Variants in CHRM3 observed in about 807,000 individuals in gnomAD.
The protein encoded by CHRM3 is cholinergic receptor muscarinic 3, also known as muscarinic acetylcholine receptor M3.
Under a neutral mutation model 41.8 loss-of-function variants are expected in CHRM3, and 11 were observed. The ratio of observed to expected loss-of-function variants is 0.26; its 90% CI spans 0.17 to 0.44. The LOEUF (loss-of-function observed/expected upper bound fraction) is 0.44. Ranked by LOEUF, CHRM3 falls within the 20% of genes least tolerant of loss-of-function variation. The pLI, the probability that CHRM3 is intolerant of heterozygous loss-of-function variation, is 1.00. For synonymous variants in CHRM3, 297 were observed against 301.4 expected (o/e 0.99, Z 0.15); for missense variants, 571 against 745.4 (o/e 0.77, Z 2.72).
intron 2 of CHRM3, among the ~76,000 whole-genome samples, chr1:239,527,793 C>T (rs1157820538): frequency 6.6e-6 from 1 of 152,132 alleles, no homozygotes; most frequent in Admixed American, 6.6e-5. Flanking sequence ...GAACTTATCT[C>T]AGAGGCTTAT....
At chr1:239,494,062 AT>A (rs920216737) in intron 2 of CHRM3, among the ~76,000 whole-genome samples, 1 of 152,180 alleles carries the variant, frequency 6.6e-6, no homozygotes, top group African/African-American at 2.4e-5. Flanking sequence ...ACTTACTTAT[AT>A]TCATTTTTAA....
At chr1:239,570,773 A>C (rs1402685736) in intron 3 of CHRM3, among the ~76,000 whole-genome samples, 1 of 152,168 alleles carries the variant, frequency 6.6e-6, no homozygotes, top group Non-Finnish European at 1.5e-5. Flanking sequence ...TCCCAAAAGA[A>C]GTAAGTGACT....
intron 5 of CHRM3, among the ~76,000 whole-genome samples, chr1:239,680,086 C>G (rs1011779548): frequency 6.6e-6 from 1 of 152,050 alleles, no homozygotes; most frequent in African/African-American, 2.4e-5. Flanking sequence ...AAACATCTCC[C>G]AAGTCCAAGT....
At chr1:239,705,817 G>A (rs1661106492) in intron 5 of CHRM3, 1 of 152,042 alleles carries the variant, frequency 6.6e-6, no homozygotes, top group African/African-American at 2.4e-5. Context: ...ATAAAGAATA[G>A]AGACATTATT....
intron 1 of CHRM3, among the ~76,000 whole-genome samples, chr1:239,462,089 A>G (rs1318975604): frequency 2.0e-5 from 3 of 152,134 alleles, no homozygotes; most frequent in Non-Finnish European, 4.4e-5. Flanking sequence ...TCCTGCATTC[A>G]TTTAAATGTT....
At chr1:239,827,412 A>G (rs1672543957) in intron 6 of CHRM3, 34 bp downstream of exon 6, 1 of 152,224 alleles carries the variant, frequency 6.6e-6, no homozygotes, top group Admixed American at 6.5e-5. Context: ...TTAATTAAAA[A>G]ATGGATGACT....
chr1:239,388,246 G>T (rs1558183211), intron 1 of CHRM3, among the ~76,000 whole-genome samples: 1 of 152,198 alleles, frequency 6.6e-6, no homozygotes, highest in Non-Finnish European at 1.5e-5. Context: ...GCCAGTGTCC[G>T]TGTTTGCAAT....
At chr1:239,543,570 C>T (rs796172937) in intron 2 of CHRM3, among the ~76,000 whole-genome samples, 43 of 151,362 alleles carry the variant, frequency 2.8e-4, no homozygotes, top group African/African-American at 1.0e-3. Flanking sequence ...TGCAGTGGTG[C>T]GATCTCAGCT....
intron 1 of CHRM3, among the ~76,000 whole-genome samples, chr1:239,394,917 T>A (rs1659350436): frequency 6.6e-6 from 1 of 152,138 alleles, no homozygotes; most frequent in Admixed American, 6.6e-5. Flanking sequence ...CGAACAGCAA[T>A]CACACTCCCC....
intron 3 of CHRM3, among the ~76,000 whole-genome samples, chr1:239,595,922 T>G (rs1664724334): frequency 6.6e-6 from 1 of 152,190 alleles, no homozygotes; most frequent in South Asian, 2.1e-4. Context: ...GTTGTTATTT[T>G]TAGAAGACAG....
intron 5 of CHRM3, among the ~76,000 whole-genome samples, chr1:239,678,585 T>A (rs906697807): frequency 5.3e-5 from 8 of 152,246 alleles, no homozygotes; most frequent in Admixed American, 5.2e-4. Flanking sequence ...TATCCAGAAA[T>A]CTATGGAAAT....
chr1:239,493,359 A>G (rs1667677719), intron 2 of CHRM3, among the ~76,000 whole-genome samples: 1 of 152,212 alleles, frequency 6.6e-6, no homozygotes, highest in Non-Finnish European at 1.5e-5. Context: ...ACTAGACACA[A>G]TAGACCAGGC....
intron 4 of CHRM3, among the ~76,000 whole-genome samples, chr1:239,636,563 C>T (rs765906696): frequency 4.6e-5 from 7 of 152,008 alleles, no homozygotes; most frequent in Non-Finnish European, 2.9e-5. Flanking sequence ...TCTTTGCTGC[C>T]GATTGAGATT....
intron 1 of CHRM3, among the ~76,000 whole-genome samples, chr1:239,416,489 T>C (rs73114760): frequency 0.13 from 19,639 of 152,130 alleles, 1,520 homozygotes; most frequent in African/African-American, 0.21. Context: ...ACTTTTATCT[T>C]CTTTCCAATG....
In CHRM3 at chr1:239,819,968, C is replaced by T. The variant is rs115337053; in HGVS notation, c.-146-7284C>T. Among the ~76,000 whole-genome samples, 728 of 152,220 alleles carry T rather than the reference C, an allele frequency of 4.8e-3. 11 individuals are homozygous for T. Among genetic ancestry groups the T allele is most frequent in the African/African-American group, 0.016 (683 of 41,542 alleles). On this transcript the variant is annotated intron_variant, in intron 5 of 6. Transcript: ENST00000676153. ...AACCGGATGCCTGGAGACTAGTGGCCGAACCTGTGCTCACTGGGCAGTGAG... is the reference window on the plus strand; with the variant it reads ...AACCGGATGCCTGGAGACTAGTGGCTGAACCTGTGCTCACTGGGCAGTGAG...
chr1:239,612,834 G>A (rs1347142176), intron 3 of CHRM3, among the ~76,000 whole-genome samples: 2 of 152,144 alleles, frequency 1.3e-5, no homozygotes, highest in African/African-American at 4.8e-5. Flanking sequence ...GAGCTGGACA[G>A]CCCAGGTTCA....
intron 2 of CHRM3, among the ~76,000 whole-genome samples, chr1:239,540,305 C>T (rs898963804): frequency 6.6e-6 from 1 of 151,584 alleles, no homozygotes; most frequent in African/African-American, 2.4e-5. Context: ...TTATGCTAAT[C>T]GGGAAGTGTT....
rs1680265417 is a variant in CHRM3 at position 239,909,944 on chromosome 1, T to C, written c.*720T>C. 6.0e-6 allele frequency: 1 copy of C among 167,074 alleles called. No homozygotes were observed. Among genetic ancestry groups the C allele is most frequent in the African/African-American group, 2.4e-5 (1 of 41,436 alleles). 10.3% of individuals were successfully genotyped at this position (167,074 alleles called of 1,614,324 possible). A position where few individuals can be genotyped will look rare whatever the true frequency, so the allele number is the denominator to read the frequency against. On this transcript the variant is annotated 3_prime_UTR_variant, in exon 7 of 7. Coordinates refer to ENST00000676153, the MANE Select transcript of CHRM3 (RefSeq NM_001375978.1). ...CCTGCAACATACGCTTTCAGTACTTTGGTAACTGAAGTTCTCTAGGATCCT... is the reference window on the plus strand; with the variant it reads ...CCTGCAACATACGCTTTCAGTACTTCGGTAACTGAAGTTCTCTAGGATCCT...
chr1:239,506,885 G>C (rs1668608193), intron 2 of CHRM3, among the ~76,000 whole-genome samples: 1 of 152,154 alleles, frequency 6.6e-6, no homozygotes, highest in Admixed American at 6.5e-5. Flanking sequence ...GGTGTCAAAG[G>C]AGGTCATTTT....
Sources: gnomAD v4.1 joint callset for allele counts (sites outside exome capture counted in the v4.1 genomes callset) on GRCh38, gnomAD v4.1.1 for gene constraint, MANE v1.5 for transcripts, NCBI Gene and HGNC (gene_info 2026-07-23, HGNC 2026-07-21) for gene names.